GRM3: variants seen among roughly 807,000 people sequenced by gnomAD.
The protein encoded by GRM3 is glutamate metabotropic receptor 3.
A neutral mutation model predicts 70.5 loss-of-function variants in GRM3; 26 were observed. That is an observed-to-expected ratio of 0.37 (90% CI 0.27 to 0.51). The LOEUF (loss-of-function observed/expected upper bound fraction) is 0.51. Ranked by LOEUF, GRM3 falls within the 20% of genes least tolerant of loss-of-function variation. GRM3 has a pLI of 0.93. For synonymous variants in GRM3, 443 were observed against 434.9 expected (o/e 1.02, Z -0.23); for missense variants, 859 against 1,123.8 (o/e 0.76, Z 3.37).
intron 2 of GRM3, among the ~76,000 whole-genome samples, chr7:86,772,398 A>G (rs1796768935): frequency 6.6e-6 from 1 of 152,120 alleles, no homozygotes; most frequent in South Asian, 2.1e-4. Context: ...GTTTAGATAT[A>G]AAAGACAGAC....
Position 86,693,383 on chromosome 7 carries a change from C to A in GRM3, c.-141+48511C>A, listed in dbSNP as rs928728366. ...TTTGCTGCTCCCTAATGCCTCCCCA[C>A]ACACAAACATAGCAGGAGATAGGTG... On this transcript the variant is annotated intron_variant, in intron 1 of 5. Transcript: ENST00000361669. Among the ~76,000 whole-genome samples, 3 of 152,182 alleles carry A rather than the reference C, an allele frequency of 2.0e-5. No homozygotes were observed. In the East Asian group the frequency reaches 5.8e-4, roughly 29 times the overall value.
intron 1 of GRM3, among the ~76,000 whole-genome samples, chr7:86,653,351 T>C (rs1793655067): frequency 6.6e-6 from 1 of 152,234 alleles, no homozygotes; most frequent in South Asian, 2.1e-4. Flanking sequence ...TCCATAACAA[T>C]TACATGTAGA....
At chr7:86,700,713 G>A (rs1238189143) in intron 1 of GRM3, among the ~76,000 whole-genome samples, 1 of 151,878 alleles carries the variant, frequency 6.6e-6, no homozygotes, top group Non-Finnish European at 1.5e-5. Context: ...TCCTATTCCT[G>A]ATGTTTTACA....
chr7:86,759,785 G>C lies in GRM3; in HGVS notation c.-140-5221G>C, dbSNP rs144929028. ...AAGGTAGATCTACTAAAAATGATTG[G>C]GTTTGAAATGATGAGCTACTCATAA... On this transcript the variant is annotated intron_variant, in intron 1 of 5. Transcript: ENST00000361669. 1.8e-4 allele frequency among the ~76,000 whole-genome samples: 27 copies of C among 152,172 alleles called. No individual in the cohort carries two copies. In the East Asian group the frequency reaches 5.2e-3, roughly 29 times the overall value.
chr7:86,802,741 T>C (rs1412490193), intron 3 of GRM3, among the ~76,000 whole-genome samples: 1 of 152,126 alleles, frequency 6.6e-6, no homozygotes, highest in Non-Finnish European at 1.5e-5. Flanking sequence ...GTTGAAGAAA[T>C]GAGAAAAATA....
At chr7:86,778,714 A>G (rs1796961746) in intron 2 of GRM3, among the ~76,000 whole-genome samples, 1 of 152,206 alleles carries the variant, frequency 6.6e-6, no homozygotes, top group Non-Finnish European at 1.5e-5. Context: ...CATGTGATAA[A>G]TCAACACACA....
intron 1 of GRM3, among the ~76,000 whole-genome samples, chr7:86,757,188 C>G (rs775107041): frequency 6.6e-6 from 1 of 152,140 alleles, no homozygotes; most frequent in Non-Finnish European, 1.5e-5. Flanking sequence ...TCTCTTTGCT[C>G]TGGGTGCTGT....
chr7:86,772,169 C>G (rs1265392559), intron 2 of GRM3, among the ~76,000 whole-genome samples: 2 of 152,084 alleles, frequency 1.3e-5, no homozygotes, highest in Admixed American at 6.6e-5. Flanking sequence ...AATAGTGTCT[C>G]AACCAGGTAG....
chr7:86,677,973 C>T (rs1794348604), intron 1 of GRM3, among the ~76,000 whole-genome samples: 1 of 151,678 alleles, frequency 6.6e-6, no homozygotes, highest in Non-Finnish European at 1.5e-5. Flanking sequence ...AAAAAGGAGA[C>T]TAGTAAATAA....
chr7:86,858,415 A>G (rs1271798841), intron 5 of GRM3, among the ~76,000 whole-genome samples: 1 of 152,134 alleles, frequency 6.6e-6, no homozygotes, highest in Admixed American at 6.6e-5. Flanking sequence ...GAGGGAATTA[A>G]GATTAAATAA....
chr7:86,694,511 C>CAAAAAAA (rs1226119828), intron 1 of GRM3, among the ~76,000 whole-genome samples: 3 of 37,624 alleles, frequency 8.0e-5, no homozygotes, highest in African/African-American at 1.9e-4. Flanking sequence ...GACTCTGTCT[C>CAAAAAAA]AAAAAAAAAA....
chr7:86,800,601 T>A (rs1276343500), intron 3 of GRM3, among the ~76,000 whole-genome samples: 1 of 152,164 alleles, frequency 6.6e-6, no homozygotes, highest in African/African-American at 2.4e-5. Context: ...AGAAGTTGAA[T>A]CCCTGAATAG....
At chr7:86,662,851 G>A (rs1354696951) in intron 1 of GRM3, among the ~76,000 whole-genome samples, 1 of 151,750 alleles carries the variant, frequency 6.6e-6, no homozygotes, top group Admixed American at 6.6e-5. Context: ...ACTGATGAGA[G>A]CCACCAAATG....
At chr7:86,844,736 T>A (rs1798621501) in intron 4 of GRM3, among the ~76,000 whole-genome samples, 2 of 152,182 alleles carry the variant, frequency 1.3e-5, no homozygotes, top group Admixed American at 1.3e-4. Context: ...GAAAGGTTTT[T>A]ACCCTGTTGC....
intron 4 of GRM3, among the ~76,000 whole-genome samples, chr7:86,845,656 T>A (rs1798640995): frequency 6.6e-6 from 1 of 152,152 alleles, no homozygotes; most frequent in Non-Finnish European, 1.5e-5. Context: ...AATATTTTCC[T>A]TAATCAGCTA....
chr7:86,674,732 C>T (rs1396547625), intron 1 of GRM3, among the ~76,000 whole-genome samples: 2 of 152,042 alleles, frequency 1.3e-5, no homozygotes, highest in Non-Finnish European at 2.9e-5. Flanking sequence ...TTTAAGTCCC[C>T]ATTACTCCTT....
At chr7:86,669,602 G>A (rs185886057) in intron 1 of GRM3, among the ~76,000 whole-genome samples, 7 of 152,262 alleles carry the variant, frequency 4.6e-5, no homozygotes, top group African/African-American at 1.7e-4. Context: ...TTTTCCAAAA[G>A]TGCAACCATA....
intron 2 of GRM3, among the ~76,000 whole-genome samples, chr7:86,771,142 C>G (rs1796728926): frequency 6.6e-6 from 1 of 152,020 alleles, no homozygotes; most frequent in Admixed American, 6.6e-5. Flanking sequence ...AGTGAGTTCT[C>G]TGTTTCTGGA....
rs187370077 is a variant in GRM3 at position 86,795,695 on chromosome 7, A to G, written c.1324+8579A>G. Among the ~76,000 whole-genome samples, 6 of 152,246 alleles carry G rather than the reference A, an allele frequency of 3.9e-5. No homozygotes were observed. The East Asian group carries it at 1.2e-3, about 29-fold the overall frequency. ...ATTGATGGGCATTTGGGTTGGTTCCATGTCTTTGCTATAGTGAATAGTGTT... is the reference window on the plus strand; with the variant it reads ...ATTGATGGGCATTTGGGTTGGTTCCGTGTCTTTGCTATAGTGAATAGTGTT... On this transcript the variant is annotated intron_variant, in intron 3 of 5. Transcript: ENST00000361669.
Sources: allele counts gnomAD v4.1 joint callset (sites outside exome capture counted in the v4.1 genomes callset), GRCh38; gene constraint gnomAD v4.1.1; transcripts MANE v1.5; gene names NCBI Gene and HGNC (gene_info 2026-07-23, HGNC 2026-07-21).